The following DMD variants were observed in gnomAD, a reference collection of about 807,000 sequenced individuals.
The protein encoded by DMD is dystrophin.
In DMD, 63 loss-of-function variants were observed where a neutral mutation model predicts 330.1. The observed-to-expected ratio is 0.19, with a 90% CI of 0.16 to 0.24. The LOEUF is 0.24. Ranked by LOEUF, DMD falls within the 10% of genes least tolerant of loss-of-function variation. DMD has a pLI of 1.00. For synonymous variants in DMD, 1,223 were observed against 959.8 expected (o/e 1.27, Z -5.07); for missense variants, 3,344 against 2,684.1 (o/e 1.25, Z -5.43).
intron 44 of DMD, among the ~76,000 whole-genome samples, chrX:32,193,279 C>G (rs2096983960): frequency 9.0e-6 from 1 of 111,598 alleles, no homozygotes; most frequent in Admixed American, 9.5e-5. Flanking sequence ...TATAGCAATG[C>G]AAGAAAAGAT....
intron 50 of DMD, among the ~76,000 whole-genome samples, chrX:31,808,949 T>A (rs1351505233): frequency 9.1e-6 from 1 of 110,475 alleles, no homozygotes; most frequent in Non-Finnish European, 1.9e-5. Flanking sequence ...ACAAGAAAAC[T>A]ATTATAATCC....
chrX:33,029,568 T>G (rs754806882), intron 1 of DMD, among the ~76,000 whole-genome samples: 5 of 112,071 alleles, frequency 4.5e-5, no homozygotes, highest in Non-Finnish European at 9.4e-5. Flanking sequence ...CAGCTCATAT[T>G]GAATAAAAGT....
At chrX:32,528,373 C>A (rs2047121921) in intron 17 of DMD, among the ~76,000 whole-genome samples, 1 of 111,855 alleles carries the variant, frequency 8.9e-6, no homozygotes, top group Non-Finnish European at 1.9e-5. Flanking sequence ...AGGTTTTAAT[C>A]CCTAATTTTT....
rs188638105 is a variant in DMD at position 33,193,637 on chromosome X, T to C, written c.31+17645A>G. 3.0e-3 allele frequency among the ~76,000 whole-genome samples: 332 copies of C among 112,385 alleles called. 4 individuals are homozygous for C. Among genetic ancestry groups the C allele is most frequent in the African/African-American group, 0.01 (315 of 30,968 alleles). On this transcript the variant is annotated intron_variant, in intron 1 of 78. Coordinates refer to ENST00000357033, the MANE Select transcript of DMD (RefSeq NM_004006.3). ...TTGTATCTATGAATACAGTTTAATG[T>C]GAACAATTGAAACGCGCATGCAAAA...
chrX:32,757,592 G>T (rs1367111555), intron 7 of DMD, among the ~76,000 whole-genome samples: 1 of 110,539 alleles, frequency 9.0e-6, no homozygotes, highest in East Asian at 2.9e-4. Context: ...CGTCTCACGA[G>T]ATCTGATGGT....
chrX:31,510,926 T>C (rs946134043), intron 55 of DMD, among the ~76,000 whole-genome samples: 16 of 111,793 alleles, frequency 1.4e-4, no homozygotes, highest in African/African-American at 5.2e-4. Context: ...AGAACAGAAA[T>C]TCTGCCATCA....
intron 2 of DMD, among the ~76,000 whole-genome samples, chrX:32,880,270 A>C (rs753051569): frequency 9.7e-6 from 1 of 103,613 alleles, no homozygotes; most frequent in Admixed American, 1.0e-4. Context: ...ATAGGCTGAA[A>C]GCTCCAACAG....
chrX:32,580,297 G>A (rs1431089234), intron 13 of DMD, among the ~76,000 whole-genome samples: 3 of 111,830 alleles, frequency 2.7e-5, no homozygotes, highest in Non-Finnish European at 3.8e-5. Context: ...TACTACTGTC[G>A]TTATCAATAG....
chrX:32,117,472 T>A (rs1434958484), intron 44 of DMD, among the ~76,000 whole-genome samples: 3 of 112,154 alleles, frequency 2.7e-5, no homozygotes. Context: ...AGTTTTCAAG[T>A]CTTCACAAAT....
chrX:33,050,456 A>G (rs1411275821), intron 1 of DMD, among the ~76,000 whole-genome samples: 1 of 111,909 alleles, frequency 8.9e-6, no homozygotes, highest in Non-Finnish European at 1.9e-5. Flanking sequence ...GAAAAAATGC[A>G]CGCAGAATAA....
chrX:33,054,421 T>A (rs1205735528), intron 1 of DMD, among the ~76,000 whole-genome samples: 1 of 112,066 alleles, frequency 8.9e-6, no homozygotes, highest in Non-Finnish European at 1.9e-5. Context: ...TGCCTCTGGT[T>A]ATTTTGCAAA....
intron 43 of DMD, among the ~76,000 whole-genome samples, chrX:32,252,512 T>C (rs1172942560): frequency 9.8e-6 from 1 of 101,595 alleles, no homozygotes; most frequent in Non-Finnish European, 2.0e-5. Flanking sequence ...TCAGAATTAC[T>C]ATATGTTGAA....
intron 7 of DMD, among the ~76,000 whole-genome samples, chrX:32,713,779 GTAATTA>G (rs2065415742): frequency 9.0e-6 from 1 of 111,724 alleles, no homozygotes; most frequent in Non-Finnish European, 1.9e-5. Flanking sequence ...ATGTGAGTGT[GTAATTA>G]TACAGATGCT....
In DMD at chrX:32,217,058, A is replaced by G. The variant is rs1229763776; in HGVS notation, c.6296T>C (p.Phe2099Ser). The change falls in exon 44 of 79, where the codon TTT becomes TCT. Residue 2099 changes from phenylalanine to serine, a missense_variant. Phe to Ser is a radical substitution (Grantham distance 155). Coordinates refer to ENST00000357033, the MANE Select transcript of DMD (RefSeq NM_004006.3). ...CCGCCATTTCTCAACAGATCTGTCA[A>G]ATCGCCTGCAGGTAAAAGCATATGG... ...NKMYKDRQGR[F>S]DRSVEKWRRF... 1 of 1,207,296 alleles carries G rather than the reference A, an allele frequency of 8.3e-7. No homozygotes were observed. Among genetic ancestry groups the G allele is most frequent in the African/African-American group, 1.8e-5 (1 of 57,081 alleles).
intron 2 of DMD, among the ~76,000 whole-genome samples, chrX:32,909,490 T>C (rs1010341421): frequency 1.5e-4 from 17 of 111,519 alleles, no homozygotes; most frequent in African/African-American, 4.6e-4. Context: ...ATAACACATA[T>C]AGTTAACATA....
intron 11 of DMD, among the ~76,000 whole-genome samples, chrX:32,632,435 G>A (rs1229949316): frequency 8.9e-6 from 1 of 112,041 alleles, no homozygotes; most frequent in Admixed American, 9.4e-5. Context: ...CTTCTTACAG[G>A]TCCACTAGGC....
At chrX:31,859,816 T>A (rs2093671339) in intron 48 of DMD, among the ~76,000 whole-genome samples, 1 of 112,379 alleles carries the variant, frequency 8.9e-6, no homozygotes, top group African/African-American at 3.2e-5. Flanking sequence ...TCTGAATGTA[T>A]CTGAAATCCC....
chrX:32,947,673 T>C (rs1285817055), intron 2 of DMD, among the ~76,000 whole-genome samples: 1 of 111,983 alleles, frequency 8.9e-6, no homozygotes, highest in Non-Finnish European at 1.9e-5. Flanking sequence ...AAGTCATACA[T>C]TTTTCATGTT....
At chrX:32,205,299 C>T (rs770027674) in intron 44 of DMD, among the ~76,000 whole-genome samples, 4 of 105,770 alleles carry the variant, frequency 3.8e-5, no homozygotes, top group East Asian at 6.0e-4. Flanking sequence ...GCATCCAACA[C>T]GCTTACCAAG....
Sources: allele counts gnomAD v4.1 joint callset (sites outside exome capture counted in the v4.1 genomes callset), GRCh38; gene constraint gnomAD v4.1.1; transcripts MANE v1.5; gene names NCBI Gene and HGNC (gene_info 2026-07-23, HGNC 2026-07-21).